Variants in RABGAP1L observed in about 807,000 individuals in gnomAD.
RABGAP1L encodes RAB GTPase activating protein 1 like.
RABGAP1L carries 63 observed loss-of-function variants against 137.7 expected under a neutral mutation model. That is an observed-to-expected ratio of 0.46 (90% CI 0.37 to 0.56). The LOEUF is 0.56. Among genes scored for constraint, RABGAP1L ranks in the 20% least tolerant of loss-of-function variants. RABGAP1L has a pLI of 0.00. For missense variants in RABGAP1L, 1,095 were observed against 1,244.0 expected (o/e 0.88, Z 1.80); for synonymous variants, 431 against 433.7 (o/e 0.99, Z 0.08).
intron 13 of RABGAP1L, among the ~76,000 whole-genome samples, chr1:174,405,815 A>C (rs889146295): frequency 2.8e-4 from 43 of 151,868 alleles, no homozygotes; most frequent in Non-Finnish European, 5.4e-4. Context: ...CTGTCTCTAC[A>C]AAAAATACAA....
At chr1:174,683,912 A>G (rs757723476) in intron 15 of RABGAP1L, among the ~76,000 whole-genome samples, 1 of 152,156 alleles carries the variant, frequency 6.6e-6, no homozygotes, top group Non-Finnish European at 1.5e-5. Flanking sequence ...GACCCACTAT[A>G]CTGTGACAAG....
At chr1:174,251,684 A>G (rs1455081248) in intron 6 of RABGAP1L, among the ~76,000 whole-genome samples, 7 of 152,112 alleles carry the variant, frequency 4.6e-5, no homozygotes, top group Non-Finnish European at 7.4e-5. Flanking sequence ...CTCTTTGTCC[A>G]TCTTTTGTTT....
intron 13 of RABGAP1L, among the ~76,000 whole-genome samples, chr1:174,608,260 A>C (rs753468302): frequency 1.3e-5 from 2 of 151,982 alleles, no homozygotes; most frequent in Non-Finnish European, 2.9e-5. Context: ...TCTTTCTATC[A>C]TATGGATCGT....
At chr1:174,534,233 G>A (rs955640705) in intron 13 of RABGAP1L, among the ~76,000 whole-genome samples, 14 of 150,708 alleles carry the variant, frequency 9.3e-5, no homozygotes, top group Admixed American at 2.0e-4. Flanking sequence ...TATATCAATG[G>A]TGTATATTAA....
intron 13 of RABGAP1L, among the ~76,000 whole-genome samples, chr1:174,487,036 C>G (rs2149343891): frequency 6.6e-6 from 1 of 151,978 alleles, no homozygotes; most frequent in East Asian, 1.9e-4. Context: ...TATTTTGTGA[C>G]TTAACATATG....
chr1:174,738,025 A>G (rs1683096428), intron 17 of RABGAP1L, among the ~76,000 whole-genome samples: 1 of 152,184 alleles, frequency 6.6e-6, no homozygotes, highest in Admixed American at 6.5e-5. Flanking sequence ...GTTGGGGATA[A>G]CATTTTGACA....
intron 13 of RABGAP1L, among the ~76,000 whole-genome samples, chr1:174,636,455 G>T (rs1249097033): frequency 1.3e-5 from 2 of 151,920 alleles, no homozygotes; most frequent in African/African-American, 4.8e-5. Flanking sequence ...TTGAACCCGG[G>T]AGGCGGAGGT....
chr1:174,899,921 G>T (rs1657865237), intron 19 of RABGAP1L, among the ~76,000 whole-genome samples: 1 of 152,026 alleles, frequency 6.6e-6, no homozygotes, highest in East Asian at 1.9e-4. Flanking sequence ...TGATTACTGG[G>T]AGAGGGGAAT....
chr1:174,686,576 C>CT (rs1222908736), intron 15 of RABGAP1L, among the ~76,000 whole-genome samples: 1 of 150,532 alleles, frequency 6.6e-6, no homozygotes, highest in African/African-American at 2.4e-5. Context: ...TAAAGGAAGC[C>CT]TTTATAATTA....
At chr1:174,777,688 G>A (rs930936348) in intron 18 of RABGAP1L, among the ~76,000 whole-genome samples, 3 of 152,020 alleles carry the variant, frequency 2.0e-5, no homozygotes, top group Non-Finnish European at 2.9e-5. Context: ...AGAAATGCAA[G>A]ATATTTAAAA....
chr1:174,279,418 A>AGAATAAT (rs1262040194), intron 10 of RABGAP1L, among the ~76,000 whole-genome samples: 1 of 152,212 alleles, frequency 6.6e-6, no homozygotes, highest in Non-Finnish European at 1.5e-5. Context: ...ATGCTCTATT[A>AGAATAAT]GAATAATGAA....
chr1:174,692,483 G>A (rs571978060), intron 15 of RABGAP1L, among the ~76,000 whole-genome samples: 105 of 152,274 alleles, frequency 6.9e-4, no homozygotes, highest in South Asian at 5.6e-3. Context: ...ACAAAACCAT[G>A]TGGAGAACCT....
At chr1:174,440,660 AT>A (rs1307875863) in intron 13 of RABGAP1L, among the ~76,000 whole-genome samples, 2 of 152,024 alleles carry the variant, frequency 1.3e-5, no homozygotes, top group Non-Finnish European at 2.9e-5. Context: ...ACTGTAAGCA[AT>A]TCTCATGCCT....
At chr1:174,423,042 A>G (rs1007608473) in intron 13 of RABGAP1L, among the ~76,000 whole-genome samples, 1 of 151,948 alleles carries the variant, frequency 6.6e-6, no homozygotes, top group Non-Finnish European at 1.5e-5. Context: ...AAAATGTTTC[A>G]TAAATATAAT....
intron 13 of RABGAP1L, among the ~76,000 whole-genome samples, chr1:174,517,494 G>A (rs1007309713): frequency 6.6e-6 from 1 of 152,050 alleles, no homozygotes. Context: ...TTCTAGGGGG[G>A]CTATTGATAT....
In RABGAP1L at chr1:174,402,763, C is replaced by G. The variant is rs560981163; in HGVS notation, c.1710+8618C>G. Among the ~76,000 whole-genome samples the G allele has an allele frequency of 3.3e-5, 5 of 152,152 alleles. No individual in the cohort carries two copies. The South Asian group carries it at 1.0e-3, about 32-fold the overall frequency. On this transcript the variant is annotated intron_variant, in intron 13 of 25. Coordinates refer to ENST00000681986, the MANE Select transcript of RABGAP1L (RefSeq NM_001366446.1). ...TCATGACCTTGTTCCTGTGTAGAAA[C>G]AAGCAAACAGTATTTAGAGCTTCTG...
intron 19 of RABGAP1L, among the ~76,000 whole-genome samples, chr1:174,856,449 T>C (rs1343875839): frequency 6.6e-6 from 1 of 151,628 alleles, no homozygotes; most frequent in African/African-American, 2.4e-5. Flanking sequence ...TGTGCTCTTA[T>C]TTTTAAAATA....
intron 13 of RABGAP1L, among the ~76,000 whole-genome samples, chr1:174,612,677 A>T (rs1671377735): frequency 6.6e-6 from 1 of 152,126 alleles, no homozygotes; most frequent in South Asian, 2.1e-4. Flanking sequence ...CTGTGAATCC[A>T]TCTGGTCCTG....
intron 13 of RABGAP1L, among the ~76,000 whole-genome samples, chr1:174,431,015 CATAACA>C (rs1184094249): frequency 1.3e-5 from 2 of 151,916 alleles, no homozygotes; most frequent in South Asian, 2.1e-4. Flanking sequence ...CTTCAGTTGC[CATAACA>C]ATAAGATATC....
Sources: gnomAD v4.1 joint callset for allele counts (sites outside exome capture counted in the v4.1 genomes callset) on GRCh38, gnomAD v4.1.1 for gene constraint, MANE v1.5 for transcripts, NCBI Gene and HGNC (gene_info 2026-07-23, HGNC 2026-07-21) for gene names.